Variants in MYO5B observed in about 807,000 individuals in gnomAD.
The protein encoded by MYO5B is myosin VB, also known as unconventional myosin-Vb.
MYO5B carries 143 observed loss-of-function variants against 229.3 expected under a neutral mutation model. That is an observed-to-expected ratio of 0.62 (90% CI 0.54 to 0.72). The LOEUF is 0.72. MYO5B is among the 30% of genes least tolerant of loss of function. MYO5B has a pLI of 0.00. For missense variants in MYO5B, 2,321 were observed against 2,331.0 expected (o/e 1.00, Z 0.09); for synonymous variants, 918 against 885.2 (o/e 1.04, Z -0.66).
At chr18:49,866,136 T>A (rs1382376401) in intron 27 of MYO5B, among the ~76,000 whole-genome samples, 1 of 152,220 alleles carries the variant, frequency 6.6e-6, no homozygotes, top group Non-Finnish European at 1.5e-5. Context: ...TGGCGTGATC[T>A]CGGCTCACTG....
chr18:49,925,070 G>A (rs970286747), intron 17 of MYO5B, among the ~76,000 whole-genome samples: 1 of 152,214 alleles, frequency 6.6e-6, no homozygotes, highest in Non-Finnish European at 1.5e-5. Flanking sequence ...GCCATGCTGG[G>A]AATGGGGAGC....
At chr18:50,036,770 T>A in intron 4 of MYO5B, 80 bp downstream of exon 4, 1 of 1,520,246 alleles carries the variant, frequency 6.6e-7, no homozygotes, top group Non-Finnish European at 9.1e-7. Flanking sequence ...ACTGTGAGCA[T>A]CAGTTGCAGA....
intron 1 of MYO5B, among the ~76,000 whole-genome samples, chr18:50,115,012 G>A (rs73430324): frequency 0.02 from 3,036 of 152,300 alleles, 90 homozygotes; most frequent in African/African-American, 0.069. Context: ...GAACAGAGAC[G>A]AAGCCAGAGG....
chr18:50,186,236 C>G (rs989769999), intron 1 of MYO5B, among the ~76,000 whole-genome samples: 2 of 152,186 alleles, frequency 1.3e-5, no homozygotes, highest in Non-Finnish European at 2.9e-5. Flanking sequence ...ATGCAGTTAC[C>G]CTGTTGGACA....
chr18:49,937,486 A>AGAACG, intron 14 of MYO5B, 89 bp from the exon 15 acceptor site: 1 of 1,478,304 alleles, frequency 6.8e-7, no homozygotes, highest in Non-Finnish European at 9.3e-7. Context: ...CATATACCTG[A>AGAACG]GAACGGAAAA....
At chr18:49,891,210 C>T (rs1474066515) in intron 22 of MYO5B, among the ~76,000 whole-genome samples, 2 of 152,176 alleles carry the variant, frequency 1.3e-5, no homozygotes, top group African/African-American at 4.8e-5. Flanking sequence ...GTGTGCCACA[C>T]CTGTCACCTG....
intron 2 of MYO5B, among the ~76,000 whole-genome samples, chr18:50,051,518 G>C (rs144145695): frequency 3.3e-5 from 5 of 152,200 alleles, no homozygotes; most frequent in African/African-American, 1.2e-4. Context: ...GGCCAGGAGA[G>C]AGAAGGCCTG....
At chr18:49,858,585 G>A (rs143184281) in intron 29 of MYO5B, among the ~76,000 whole-genome samples, 50 of 152,316 alleles carry the variant, frequency 3.3e-4, no homozygotes, top group South Asian at 6.2e-4. Flanking sequence ...TGTCGTCCCC[G>A]TAAACCTACA....
chr18:50,183,452 CAAG>C (rs144569782), intron 1 of MYO5B, among the ~76,000 whole-genome samples: 2,047 of 151,266 alleles, frequency 0.014, 47 homozygotes, highest in African/African-American at 0.047. Context: ...TTTGACTAAA[CAAG>C]AAGATGAGGA....
intron 1 of MYO5B, among the ~76,000 whole-genome samples, chr18:50,178,151 G>T (rs2033022944): frequency 6.6e-6 from 1 of 152,146 alleles, no homozygotes; most frequent in African/African-American, 2.4e-5. Context: ...TCTCTGCTGT[G>T]GGGAGAGGGT....
chr18:49,847,567 G>A (rs543287611), intron 32 of MYO5B, among the ~76,000 whole-genome samples: 15 of 152,344 alleles, frequency 9.8e-5, no homozygotes, highest in African/African-American at 2.9e-4. Context: ...GGAAACATCC[G>A]AAAAGACAGC....
At position 49,992,363 on chromosome 18, in the gene MYO5B, G is replaced by A; in HGVS notation, c.681C>T (p.Gly227=). ...CGATGATGTGGTACCTTTTGTCAAA[G>A]CCAATCTGGATGTACTTGCCAAAAC... ...SSRFGKYIQI[G]FDKRYHIIGA... The change falls in exon 6 of 40, where the codon GGC becomes GGT. Residue 227 remains glycine (G), a synonymous_variant. Transcript: ENST00000285039. The A allele has an allele frequency of 1.2e-6, 2 of 1,614,132 alleles. No individual in the cohort carries two copies. Among genetic ancestry groups the A allele is most frequent in the Non-Finnish European group, 1.7e-6 (2 of 1,180,026 alleles).
At chr18:50,073,788 C>T (rs1282330337) in intron 1 of MYO5B, among the ~76,000 whole-genome samples, 1 of 152,148 alleles carries the variant, frequency 6.6e-6, no homozygotes, top group African/African-American at 2.4e-5. Flanking sequence ...GAAAATGATA[C>T]CTCCATCTAC....
intron 31 of MYO5B, chr18:49,849,960 C>G: frequency 4.7e-6 from 2 of 426,596 alleles, no homozygotes; most frequent in Non-Finnish European, 8.8e-6. Context: ...CCTCCGGTTG[C>G]CATGCCAACC....
intron 1 of MYO5B, among the ~76,000 whole-genome samples, chr18:50,139,570 G>A (rs1035737011): frequency 1.3e-5 from 2 of 152,182 alleles, no homozygotes; most frequent in Non-Finnish European, 2.9e-5. Flanking sequence ...GTGAGTGAAG[G>A]AAGCTCCTGG....
chr18:50,156,101 C>T (rs946635698), intron 1 of MYO5B, among the ~76,000 whole-genome samples: 1 of 152,170 alleles, frequency 6.6e-6, no homozygotes, highest in African/African-American at 2.4e-5. Flanking sequence ...TAACCACAAC[C>T]CAACTAACCA....
chr18:49,919,554 T>C (rs1478865042), intron 17 of MYO5B, among the ~76,000 whole-genome samples: 4 of 152,064 alleles, frequency 2.6e-5, no homozygotes, highest in Admixed American at 2.0e-4. Context: ...GATGTACAAA[T>C]GGCCAAGCAC....
At chr18:50,160,283 C>A (rs1306264244) in intron 1 of MYO5B, among the ~76,000 whole-genome samples, 1 of 152,178 alleles carries the variant, frequency 6.6e-6, no homozygotes, top group African/African-American at 2.4e-5. Context: ...CTGCAGAGGG[C>A]AAGGCTGTGG....
rs201182060 is a variant in MYO5B, at chr18:49,895,192, A to G, written c.2812-18T>C. The G allele has an allele frequency of 1.1e-4, 168 of 1,593,492 alleles. No individual in the cohort carries two copies. The East Asian group carries it at 1.9e-3, about 18-fold the overall frequency. ...TCTTTGTTCTGTGGAGAACATCAGCAAACAAGGAGAAGGGAGAAGAAGTGG... is the reference window on the plus strand; with the variant it reads ...TCTTTGTTCTGTGGAGAACATCAGCGAACAAGGAGAAGGGAGAAGAAGTGG... On this transcript the variant is annotated intron_variant, in intron 21 of 39. Transcript: ENST00000285039.
Sources: allele counts gnomAD v4.1 joint callset (sites outside exome capture counted in the v4.1 genomes callset), GRCh38; gene constraint gnomAD v4.1.1; transcripts MANE v1.5; gene names NCBI Gene and HGNC (gene_info 2026-07-23, HGNC 2026-07-21).